CCND3: variants seen among roughly 807,000 people sequenced by gnomAD.
CCND3 encodes the protein G1/S-specific cyclin-D3.
In CCND3, 9 loss-of-function variants were observed where a neutral mutation model predicts 28.7. The observed-to-expected ratio is 0.31, with a 90% CI of 0.19 to 0.55. The LOEUF is 0.55. CCND3 is among the 20% of genes least tolerant of loss of function. The pLI, the probability that CCND3 is intolerant of heterozygous loss-of-function variation, is 0.93. For missense variants in CCND3, 315 were observed against 385.8 expected (o/e 0.82, Z 1.54); for synonymous variants, 164 against 163.9 (o/e 1.00, Z 0.00).
At chr6:41,964,825 G>T (rs894795424) in intron 1 of CCND3, among the ~76,000 whole-genome samples, 36 of 149,442 alleles carry the variant, frequency 2.4e-4, no homozygotes, top group African/African-American at 6.7e-4. Flanking sequence ...GCAGTTAAGA[G>T]GTTCTTGCAA....
chr6:41,989,777 A>G (rs183280346), intron 1 of CCND3, among the ~76,000 whole-genome samples: 1 of 152,220 alleles, frequency 6.6e-6, no homozygotes, highest in African/African-American at 2.4e-5. Context: ...ACAGTTTCTT[A>G]TATGACTAAA....
In CCND3 at chr6:41,935,633, A is replaced by G. The variant is rs1775753902; in HGVS notation, c.*307T>C. 1.1e-5 allele frequency: 5 copies of G among 469,520 alleles called. No homozygotes were observed. Among genetic ancestry groups the G allele is most frequent in the Admixed American group, 3.4e-5 (1 of 29,674 alleles). 29.1% of individuals were successfully genotyped at this position (469,520 alleles called of 1,614,324 possible). A position where few individuals can be genotyped will look rare whatever the true frequency, so the allele number is the denominator to read the frequency against. Reference sequence around the variant, plus strand: ...CCCCAGGGGTGGGGGGGGGCGTTCAAAAGGAATGCTGGTGTATGTATCCAA... The same window carrying G: ...CCCCAGGGGTGGGGGGGGGCGTTCAGAAGGAATGCTGGTGTATGTATCCAA... On this transcript the variant is annotated 3_prime_UTR_variant, in exon 5 of 5. Coordinates refer to ENST00000372991, the MANE Select transcript of CCND3 (RefSeq NM_001760.5).
At chr6:42,032,258 T>C (rs2127437069) in intron 1 of CCND3, among the ~76,000 whole-genome samples, 1 of 152,308 alleles carries the variant, frequency 6.6e-6, no homozygotes, top group African/African-American at 2.4e-5. Flanking sequence ...ACTACTCTTT[T>C]TTATTTCTTG....
intron 1 of CCND3, among the ~76,000 whole-genome samples, chr6:42,007,536 T>C (rs1366863288): frequency 6.6e-6 from 1 of 151,976 alleles, no homozygotes; most frequent in Admixed American, 6.6e-5. Flanking sequence ...AATGAATAAA[T>C]AGCAAAAAAT....
intron 1 of CCND3, chr6:42,030,188 G>A (rs9357384): frequency 0.11 from 17,131 of 152,414 alleles, 1,395 homozygotes; most frequent in East Asian, 0.42. Flanking sequence ...GCTCAGGTTG[G>A]AGCTGGTATG....
chr6:42,043,831 G>C (rs4346850), intron 1 of CCND3, among the ~76,000 whole-genome samples: 94,110 of 152,100 alleles, frequency 0.62, 29,401 homozygotes, highest in East Asian at 0.84. Context: ...ACCAGCAACC[G>C]TCTCCTTCCA....
chr6:41,960,138 A>C (rs1235748850), intron 1 of CCND3, among the ~76,000 whole-genome samples: 4 of 152,154 alleles, frequency 2.6e-5, no homozygotes, highest in Non-Finnish European at 4.4e-5. Context: ...CGTACAAAAG[A>C]CCACATATTA....
intron 1 of CCND3, among the ~76,000 whole-genome samples, chr6:41,992,462 G>A (rs1047694356): frequency 7.2e-4 from 17 of 23,568 alleles, no homozygotes; most frequent in East Asian, 2.2e-3. Context: ...ACACCCAGCC[G>A]GTTTTTTTTT....
At chr6:42,046,339 C>G (rs1764543344) in intron 1 of CCND3, among the ~76,000 whole-genome samples, 1 of 152,176 alleles carries the variant, frequency 6.6e-6, no homozygotes, top group Non-Finnish European at 1.5e-5. Context: ...GCTTTGGAAG[C>G]AGGAGCTGTG....
At chr6:42,022,782 C>T (rs1015385577) in intron 1 of CCND3, among the ~76,000 whole-genome samples, 3 of 152,160 alleles carry the variant, frequency 2.0e-5, no homozygotes, top group Non-Finnish European at 4.4e-5. Flanking sequence ...GGTGGCAGGG[C>T]AGGGCTTCCT....
At chr6:41,986,212 G>A (rs150384665) in intron 1 of CCND3, among the ~76,000 whole-genome samples, 104 of 152,112 alleles carry the variant, frequency 6.8e-4, no homozygotes, top group African/African-American at 2.3e-3. Flanking sequence ...TAGGTAGTGA[G>A]ATGCCTCCAG....
At chr6:42,007,299 A>C (rs1763204897) in intron 1 of CCND3, among the ~76,000 whole-genome samples, 1 of 152,220 alleles carries the variant, frequency 6.6e-6, no homozygotes, top group East Asian at 1.9e-4. Flanking sequence ...GAACAAAAGG[A>C]AATGAAGGGA....
In CCND3 at chr6:41,936,312, A is replaced by C. The variant is rs1207064585; in HGVS notation, c.712-205T>G. On this transcript the variant is annotated intron_variant, in intron 4 of 4. Transcript: ENST00000372991. This position sits in a 1 kb window ranked among gnomAD's most constrained non-coding sequence, Gnocchi z 4.4. Reference sequence around the variant, plus strand: ...AGAGCAGCCCTGCATCTGACACCAAACCCCCCACCCCCACTCCAGCACACC... The same window carrying C: ...AGAGCAGCCCTGCATCTGACACCAACCCCCCCACCCCCACTCCAGCACACC... The C allele has an allele frequency of 4.6e-6, 3 of 652,358 alleles. No homozygotes were observed. The highest frequency in any genetic ancestry group is 2.1e-5 in the South Asian group (1 of 47,678). 40.4% of individuals were successfully genotyped at this position (652,358 alleles called of 1,614,324 possible).
chr6:41,937,514 G>A, intron 2 of CCND3, 120 bp from the exon 3 acceptor site: 1 of 1,190,636 alleles, frequency 8.4e-7, no homozygotes, highest in Admixed American at 2.4e-5. Flanking sequence ...CAAGACCCCA[G>A]TTCTGTTTCT....
intron 1 of CCND3, among the ~76,000 whole-genome samples, chr6:41,955,958 A>C (rs937403102): frequency 1.3e-5 from 2 of 152,136 alleles, no homozygotes; most frequent in Non-Finnish European, 2.9e-5. Context: ...AAAAAATTCA[A>C]CTTGAGAAAG....
intron 1 of CCND3, among the ~76,000 whole-genome samples, chr6:42,003,965 C>T (rs1012110109): frequency 8.6e-5 from 12 of 139,402 alleles, no homozygotes; most frequent in African/African-American, 3.2e-4. Flanking sequence ...AAAAGTTTAA[C>T]ATCAAAAAGA....
At chr6:42,044,153 C>T (rs1446675268) in intron 1 of CCND3, among the ~76,000 whole-genome samples, 3 of 152,332 alleles carry the variant, frequency 2.0e-5, no homozygotes, top group East Asian at 1.9e-4. Flanking sequence ...GACCTGGGGA[C>T]GGGTGTATGC....
chr6:42,038,545 A>T (rs1764290351), intron 1 of CCND3, among the ~76,000 whole-genome samples: 1 of 145,980 alleles, frequency 6.9e-6, no homozygotes. Flanking sequence ...ATCTCAACTA[A>T]AAAAAAAAAA....
chr6:42,005,933 C>T (rs1213669824), intron 1 of CCND3, among the ~76,000 whole-genome samples: 1 of 152,068 alleles, frequency 6.6e-6, no homozygotes, highest in Non-Finnish European at 1.5e-5. Context: ...TCACCCGCCT[C>T]AGCCTCCCAA....
Sources: gnomAD v4.1 joint callset for allele counts (sites outside exome capture counted in the v4.1 genomes callset) on GRCh38, gnomAD v4.1.1 for gene constraint, Gnocchi (gnomAD v3.1) non-coding constraint, MANE v1.5 for transcripts, NCBI Gene and HGNC (gene_info 2026-07-23, HGNC 2026-07-21) for gene names.